Variants in ATXN1 observed in about 807,000 individuals in gnomAD.
ATXN1 encodes the protein ataxin-1.
Under a neutral mutation model 56.4 loss-of-function variants are expected in ATXN1, and 8 were observed. That is an observed-to-expected ratio of 0.14 (90% CI 0.08 to 0.26). The LOEUF (loss-of-function observed/expected upper bound fraction) is 0.26. Ranked by LOEUF, ATXN1 falls within the 10% of genes least tolerant of loss-of-function variation. The pLI is 1.00. For missense variants in ATXN1, 987 were observed against 1,106.5 expected (o/e 0.89, Z 1.53); for synonymous variants, 514 against 494.6 (o/e 1.04, Z -0.52).
chr6:16,511,748 T>C (rs1037371232), intron 5 of ATXN1, among the ~76,000 whole-genome samples: 1 of 152,146 alleles, frequency 6.6e-6, no homozygotes, highest in East Asian at 1.9e-4. Flanking sequence ...TTCAAGTTGA[T>C]AGTCCACCCA....
intron 2 of ATXN1, chr6:16,737,856 C>T (rs1390165430): frequency 1.4e-5 from 2 of 144,332 alleles, no homozygotes; most frequent in Admixed American, 1.4e-4. Context: ...ATTTACAAAA[C>T]AAAAAAAAAA....
chr6:16,517,021 A>G (rs1449506857), intron 5 of ATXN1, among the ~76,000 whole-genome samples: 1 of 152,240 alleles, frequency 6.6e-6, no homozygotes, highest in East Asian at 1.9e-4. Context: ...AATTCCCAAT[A>G]CGTAATAACA....
chr6:16,390,788 C>T (rs963702348), intron 6 of ATXN1, among the ~76,000 whole-genome samples: 1 of 152,022 alleles, frequency 6.6e-6, no homozygotes, highest in Non-Finnish European at 1.5e-5. Context: ...AGTTCCAATT[C>T]CTCTCCACTG....
At chr6:16,348,256 G>A (rs1446996969) in intron 6 of ATXN1, among the ~76,000 whole-genome samples, 1 of 152,044 alleles carries the variant, frequency 6.6e-6, no homozygotes, top group Admixed American at 6.6e-5. Flanking sequence ...ATTCAGATAG[G>A]GTTTCATCAC....
chr6:16,554,601 G>A (rs565029428), intron 4 of ATXN1, among the ~76,000 whole-genome samples: 9 of 152,216 alleles, frequency 5.9e-5, no homozygotes, highest in Admixed American at 2.6e-4. Flanking sequence ...ACAGGCGCCC[G>A]CCACCACGCC....
intron 6 of ATXN1, among the ~76,000 whole-genome samples, chr6:16,451,808 A>C (rs1759759560): frequency 6.6e-6 from 1 of 152,060 alleles, no homozygotes; most frequent in Non-Finnish European, 1.5e-5. Context: ...TGGAGTTTGT[A>C]ATTAGAGTTC....
chr6:16,687,332 A>C (rs1758938846), intron 2 of ATXN1, among the ~76,000 whole-genome samples: 1 of 152,170 alleles, frequency 6.6e-6, no homozygotes, highest in Non-Finnish European at 1.5e-5. Context: ...AAAATCTAAG[A>C]ATCTTCTAAT....
chr6:16,705,378 C>T (rs2113445161), intron 2 of ATXN1, among the ~76,000 whole-genome samples: 1 of 152,284 alleles, frequency 6.6e-6, no homozygotes, highest in East Asian at 1.9e-4. Flanking sequence ...TAAACATCCA[C>T]ATAGTCCAAT....
At chr6:16,724,163 G>GCATT (rs1759800812) in intron 2 of ATXN1, among the ~76,000 whole-genome samples, 1 of 152,176 alleles carries the variant, frequency 6.6e-6, no homozygotes, top group Non-Finnish European at 1.5e-5. Context: ...CGAGTGACTG[G>GCATT]CATTCCCTTT....
chr6:16,706,136 C>G (rs1487066752), intron 2 of ATXN1, among the ~76,000 whole-genome samples: 2 of 152,126 alleles, frequency 1.3e-5, no homozygotes, highest in Non-Finnish European at 2.9e-5. Flanking sequence ...CTGAACAACT[C>G]CTCATTCTGA....
intron 4 of ATXN1, among the ~76,000 whole-genome samples, chr6:16,560,263 C>G (rs2113737939): frequency 6.6e-6 from 1 of 151,840 alleles, no homozygotes; most frequent in East Asian, 1.9e-4. Flanking sequence ...AACCCCGTCT[C>G]TACTAAAAAT....
chr6:16,516,407 G>T (rs1204622867), intron 5 of ATXN1, among the ~76,000 whole-genome samples: 1 of 152,204 alleles, frequency 6.6e-6, no homozygotes, highest in African/African-American at 2.4e-5. Flanking sequence ...GGACATAGCA[G>T]GTGACAAGTG....
chr6:16,633,829 T>C (rs2299067), intron 3 of ATXN1, among the ~76,000 whole-genome samples: 99,289 of 152,050 alleles, frequency 0.65, 32,939 homozygotes, highest in African/African-American at 0.78. Flanking sequence ...GTAAAGACAG[T>C]CCAAGGAAAA....
chr6:16,322,319 G>A (rs1261329729), intron 7 of ATXN1, among the ~76,000 whole-genome samples: 2 of 152,146 alleles, frequency 1.3e-5, no homozygotes, highest in Non-Finnish European at 2.9e-5. Flanking sequence ...GAGAGGTGAA[G>A]TAACTTGTCC....
chr6:16,712,126 G>C lies in ATXN1; in HGVS notation c.-615+41107C>G, dbSNP rs4716090. The stretch of plus-strand genomic sequence containing the variant: ...ATGGAAATGTCCCATATCTTGATTA[G>C]GATGCTGATTATGTGGATGTATGCA... On this transcript the variant is annotated intron_variant, in intron 2 of 7. Coordinates refer to ENST00000436367, the MANE Select transcript of ATXN1 (RefSeq NM_001128164.2). Among the ~76,000 whole-genome samples the C allele has an allele frequency of 6.3e-3, 966 of 152,258 alleles. 11 individuals are homozygous for C. Among genetic ancestry groups the C allele is most frequent in the South Asian group, 0.027 (132 of 4,822 alleles).
At position 16,606,135 on chromosome 6, in the gene ATXN1, G is replaced by A. The variant is rs188919287; in HGVS notation, c.-488-20228C>T. Among the ~76,000 whole-genome samples, 297 of 151,052 alleles carry A rather than the reference G, an allele frequency of 2.0e-3. 1 individual carries two copies. The highest frequency in any genetic ancestry group is 6.4e-3 in the African/African-American group (262 of 41,198). On this transcript the variant is annotated intron_variant, in intron 3 of 7. Coordinates refer to ENST00000436367, the MANE Select transcript of ATXN1 (RefSeq NM_001128164.2). ...CAGTGTGTCACTCTGGAGACAGAGC[G>A]AGACCCTGTCTCAAAAACAAACAAA...
At chr6:16,469,783 G>T (rs1760180615) in intron 6 of ATXN1, among the ~76,000 whole-genome samples, 2 of 152,172 alleles carry the variant, frequency 1.3e-5, no homozygotes, top group South Asian at 4.1e-4. Context: ...GACCAACATG[G>T]CAAAACCCTG....
intron 5 of ATXN1, among the ~76,000 whole-genome samples, chr6:16,519,316 A>G (rs1245200601): frequency 1.3e-5 from 2 of 152,186 alleles, no homozygotes; most frequent in African/African-American, 2.4e-5. Flanking sequence ...TTCAGAGGGG[A>G]AAAAAAGTAT....
intron 3 of ATXN1, among the ~76,000 whole-genome samples, chr6:16,606,980 G>C (rs547483789): frequency 6.7e-6 from 1 of 150,182 alleles, no homozygotes; most frequent in Admixed American, 6.7e-5. Flanking sequence ...TCTGCCTCCC[G>C]GGTTCAAGCG....
Sources: allele counts gnomAD v4.1 joint callset (sites outside exome capture counted in the v4.1 genomes callset), GRCh38; gene constraint gnomAD v4.1.1; transcripts MANE v1.5; gene names NCBI Gene and HGNC (gene_info 2026-07-23, HGNC 2026-07-21).